NCAM2: variants seen among roughly 807,000 people sequenced by gnomAD.
The protein encoded by NCAM2 is neural cell adhesion molecule 2, also known as N-CAM-2.
Under a neutral mutation model 98.1 loss-of-function variants are expected in NCAM2, and 30 were observed. That is an observed-to-expected ratio of 0.31 (90% CI 0.23 to 0.41). The LOEUF (loss-of-function observed/expected upper bound fraction) is 0.41. NCAM2 is among the 10% of genes least tolerant of loss of function. NCAM2 has a pLI of 1.00. For synonymous variants in NCAM2, 368 were observed against 342.4 expected, an observed-to-expected ratio of 1.07 and a Z score of -0.83; for missense variants, 867 against 1,005.8, an observed-to-expected ratio of 0.86 and a Z score of 1.87.
intron 12 of NCAM2, among the ~76,000 whole-genome samples, chr21:21,443,860 A>G (rs1227863842): frequency 1.3e-5 from 2 of 152,154 alleles, no homozygotes; most frequent in African/African-American, 2.4e-5. Flanking sequence ...ATTTCCCTCT[A>G]TCATACTACT....
At chr21:21,439,414 C>A (rs1401988122) in intron 12 of NCAM2, among the ~76,000 whole-genome samples, 3 of 152,160 alleles carry the variant, frequency 2.0e-5, no homozygotes, top group African/African-American at 7.2e-5. Context: ...CAGGCGTGAG[C>A]CACTGCGCCC....
In NCAM2 at chr21:21,292,112, G is replaced by C. The variant is rs898441273; in HGVS notation, c.490G>C (p.Ala164Pro). 1.2e-6 allele frequency: 2 copies of C among 1,608,332 alleles called. No homozygotes were observed. Among genetic ancestry groups the C allele is most frequent in the Non-Finnish European group, 1.7e-6 (2 of 1,177,048 alleles). Residue 164 changes from alanine (A) to proline (P), a missense_variant, in exon 5 of 18, where the codon GCT becomes CCT. Ala to Pro is a conservative substitution (Grantham distance 27). This residue lies in a region of NCAM2 where 447 missense variants were observed against 495.7 expected (regional missense o/e 0.90). Coordinates refer to ENST00000400546, the MANE Select transcript of NCAM2 (RefSeq NM_004540.5). ...EVTTISDNRF[A>P]MLANNNLQIL... ...CTTTGCTTTCTTTCCAGATCGGTTCGCTATGTTAGCAAACAATAACCTGCA... is the reference window on the plus strand; with the variant it reads ...CTTTGCTTTCTTTCCAGATCGGTTCCCTATGTTAGCAAACAATAACCTGCA...
At chr21:21,296,003 A>T (rs1241203043) in intron 5 of NCAM2, among the ~76,000 whole-genome samples, 1 of 151,842 alleles carries the variant, frequency 6.6e-6, no homozygotes. Context: ...TTAGCTGAAG[A>T]GTTTTTACTG....
At chr21:21,088,444 T>G (rs1158971678) in intron 1 of NCAM2, among the ~76,000 whole-genome samples, 1 of 152,216 alleles carries the variant, frequency 6.6e-6, no homozygotes, top group African/African-American at 2.4e-5. Context: ...TGGGTTGGGA[T>G]TCATTACATC....
chr21:21,246,002 G>A (rs1199269084), intron 1 of NCAM2, among the ~76,000 whole-genome samples: 4 of 152,144 alleles, frequency 2.6e-5, no homozygotes, highest in African/African-American at 9.7e-5. Context: ...CCTCCACTTT[G>A]GTGTGGATTG....
At chr21:21,022,947 A>G (rs2064466727) in intron 1 of NCAM2, among the ~76,000 whole-genome samples, 1 of 152,190 alleles carries the variant, frequency 6.6e-6, no homozygotes. Flanking sequence ...GTAAACATGT[A>G]TTTGATTTTA....
At chr21:21,494,607 G>A (rs1987084161) in intron 15 of NCAM2, among the ~76,000 whole-genome samples, 1 of 151,102 alleles carries the variant, frequency 6.6e-6, no homozygotes, top group Non-Finnish European at 1.5e-5. Context: ...TTTAGAGTTA[G>A]TAAGATAATA....
At chr21:21,341,987 G>A (rs1269476802) in intron 8 of NCAM2, among the ~76,000 whole-genome samples, 2 of 152,130 alleles carry the variant, frequency 1.3e-5, no homozygotes, top group African/African-American at 4.8e-5. Flanking sequence ...TGGTTAGGAA[G>A]TGTATTTAAT....
At chr21:21,041,735 T>C (rs1568958226) in intron 1 of NCAM2, among the ~76,000 whole-genome samples, 1 of 152,186 alleles carries the variant, frequency 6.6e-6, no homozygotes, top group Non-Finnish European at 1.5e-5. Context: ...CAGAATATAT[T>C]ATATAGTAAC....
chr21:21,507,816 T>A (rs117431330), intron 15 of NCAM2, among the ~76,000 whole-genome samples: 1,684 of 151,474 alleles, frequency 0.011, 14 homozygotes, highest in Middle Eastern at 0.027. Context: ...AAGACTAAAC[T>A]GTTATGCAAG....
At chr21:21,417,837 G>A (rs1027882458) in intron 10 of NCAM2, among the ~76,000 whole-genome samples, 1 of 152,028 alleles carries the variant, frequency 6.6e-6, no homozygotes, top group African/African-American at 2.4e-5. Flanking sequence ...CTGTCTATGA[G>A]TATTGTTGCA....
intron 1 of NCAM2, among the ~76,000 whole-genome samples, chr21:21,173,527 T>A (rs907289477): frequency 1.3e-5 from 2 of 152,178 alleles, no homozygotes; most frequent in African/African-American, 4.8e-5. Flanking sequence ...GAGTAGTGAA[T>A]GACCATGAGA....
At chr21:21,091,855 C>T (rs2066019273) in intron 1 of NCAM2, among the ~76,000 whole-genome samples, 1 of 151,998 alleles carries the variant, frequency 6.6e-6, no homozygotes, top group African/African-American at 2.4e-5. Context: ...AAATACTCTT[C>T]CTTTGACTTT....
chr21:21,415,782 C>T lies in NCAM2; in HGVS notation c.1384-2691C>T, dbSNP rs141126952. ...CTTCAAACTCTTCTTCTGCACCTTC[C>T]TCACCTCTGTCAGCCTTCATTGAAT... On this transcript the variant is annotated intron_variant, in intron 10 of 17. Transcript: ENST00000400546. Among the ~76,000 whole-genome samples, 525 of 152,278 alleles carry T rather than the reference C, an allele frequency of 3.4e-3. 3 individuals are homozygous for T. Among genetic ancestry groups the T allele is most frequent in the African/African-American group, 0.012 (498 of 41,552 alleles).
chr21:21,259,317 C>T (rs999401874), intron 1 of NCAM2, among the ~76,000 whole-genome samples: 3 of 152,184 alleles, frequency 2.0e-5, no homozygotes, highest in African/African-American at 7.2e-5. Flanking sequence ...TCATGGTCCA[C>T]AGCCACACTG....
At chr21:21,250,346 G>A (rs2826753) in intron 1 of NCAM2, among the ~76,000 whole-genome samples, 6,701 of 152,270 alleles carry the variant, frequency 0.044, 210 homozygotes, top group South Asian at 0.091. Flanking sequence ...CTCATTACTC[G>A]TTAGCAAATT....
chr21:21,422,987 C>A (rs2077141485), intron 11 of NCAM2, among the ~76,000 whole-genome samples: 1 of 152,016 alleles, frequency 6.6e-6, no homozygotes, highest in Admixed American at 6.6e-5. Context: ...TTTATTATTT[C>A]TTTTCTTAAA....
intron 1 of NCAM2, among the ~76,000 whole-genome samples, chr21:21,085,979 A>G (rs2065898766): frequency 6.6e-6 from 1 of 152,196 alleles, no homozygotes; most frequent in South Asian, 2.1e-4. Context: ...TAAGTCTTTC[A>G]GATTTAACTT....
intron 1 of NCAM2, among the ~76,000 whole-genome samples, chr21:21,268,637 A>G (rs368781639): frequency 1.1e-4 from 16 of 152,248 alleles, no homozygotes; most frequent in South Asian, 2.1e-4. Context: ...CTGGGAAGCC[A>G]TTGTACATGA....
Sources: allele counts gnomAD v4.1 joint callset (sites outside exome capture counted in the v4.1 genomes callset), GRCh38; gene constraint gnomAD v4.1.1; regional missense constraint gnomAD v4.1.1; transcripts MANE v1.5; gene names NCBI Gene and HGNC (gene_info 2026-07-23, HGNC 2026-07-21).